LHX4: variants seen among roughly 807,000 people sequenced by gnomAD.
LHX4 encodes LIM/homeobox protein Lhx4.
LHX4 carries 16 observed loss-of-function variants against 39.2 expected under a neutral mutation model. The observed-to-expected ratio is 0.41, with a 90% CI of 0.28 to 0.62. The LOEUF is 0.62. Ranked by LOEUF, LHX4 falls within the 20% of genes least tolerant of loss-of-function variation. LHX4 has a pLI of 0.33. For missense variants in LHX4, 439 were observed against 511.9 expected (o/e 0.86, Z 1.37); for synonymous variants, 206 against 198.1 (o/e 1.04, Z -0.33).
chr1:180,230,482 A>G lies in LHX4; in HGVS notation c.-48A>G. 6.8e-7 allele frequency: 1 copy of G among 1,475,844 alleles called. No individual in the cohort carries two copies. Among genetic ancestry groups the G allele is most frequent in the Non-Finnish European group, 9.5e-7 (1 of 1,056,142 alleles). The allele number at this position is 1,475,844 out of a possible 1,614,324, so 91.4% of individuals were successfully genotyped here. Reference sequence around the variant, plus strand: ...AATTTCTGAATCGAGCTAGAGCGAGAGAGCGAGAGATCTCCGTAGACTGCG... The same window carrying G: ...AATTTCTGAATCGAGCTAGAGCGAGGGAGCGAGAGATCTCCGTAGACTGCG... On this transcript the variant is annotated 5_prime_UTR_variant, in exon 1 of 6. Coordinates refer to ENST00000263726, the MANE Select transcript of LHX4 (RefSeq NM_033343.4). This position sits in a 1 kb window ranked among gnomAD's most constrained non-coding sequence, Gnocchi z 5.8.
intron 3 of LHX4, chr1:180,270,764 C>T (rs1007074020): frequency 1.9e-5 from 3 of 158,408 alleles, no homozygotes; most frequent in Non-Finnish European, 4.2e-5. Flanking sequence ...CCATCCCATT[C>T]TCTTCATCTG....
rs1362864179 is a variant in LHX4 at position 180,274,747 on chromosome 1, T to C, written c.*168T>C. 9.2e-6 allele frequency: 7 copies of C among 758,806 alleles called. No individual in the cohort carries two copies. Among genetic ancestry groups the C allele is most frequent in the Admixed American group, 2.9e-5 (1 of 34,628 alleles). 47.0% of individuals were successfully genotyped at this position (758,806 alleles called of 1,614,324 possible). A position where few individuals can be genotyped will look rare whatever the true frequency, so the allele number is the denominator to read the frequency against. ...AAGGCTGTGAGACCACACTAGGGCA[T>C]TGTTTCCCTGGGGAAGCAGTGGGAG... On this transcript the variant is annotated 3_prime_UTR_variant, in exon 6 of 6. Coordinates refer to ENST00000263726, the MANE Select transcript of LHX4 (RefSeq NM_033343.4).
chr1:180,243,371 C>CAGG (rs1647254925), intron 1 of LHX4, among the ~76,000 whole-genome samples: 1 of 151,972 alleles, frequency 6.6e-6, no homozygotes, highest in South Asian at 2.1e-4. Context: ...CCTCCTCCCT[C>CAGG]AGGAGGAGGA....
chr1:180,266,275 G>A lies in LHX4; in HGVS notation c.249-117G>A, dbSNP rs1571282881. 3 of 939,676 alleles carry A rather than the reference G, an allele frequency of 3.2e-6. No individual in the cohort carries two copies. The East Asian group carries it at 7.3e-5, about 23-fold the overall frequency. The allele number at this position is 939,676 out of a possible 1,614,324, so 58.2% of individuals were successfully genotyped here. The stretch of plus-strand genomic sequence containing the variant: ...GACGGTAAGCTCTGGGTGACTGGGG[G>A]GTGAGGCTCATGGAGTCCCGGAGTG... On this transcript the variant is annotated intron_variant, in intron 2 of 5. Transcript: ENST00000263726. This position sits in a 1 kb window ranked among gnomAD's most constrained non-coding sequence, Gnocchi z 5.7.
At chr1:180,272,113 C>T (rs1648708344) in intron 5 of LHX4, 107 bp downstream of exon 5, 3 of 987,440 alleles carry the variant, frequency 3.0e-6, no homozygotes, top group East Asian at 2.6e-5. Context: ...GCAACTCCCT[C>T]CTGAACACAG....
chr1:180,278,903 G>A lies in LHX4; in HGVS notation c.*4324G>A, dbSNP rs533964903. Reference sequence around the variant, plus strand: ...GACTTTGGAAAACAGAAGCTGGTGCGTTTGTTTGTATATGCCTCCTGTGTG... The same window carrying A: ...GACTTTGGAAAACAGAAGCTGGTGCATTTGTTTGTATATGCCTCCTGTGTG... On this transcript the variant is annotated 3_prime_UTR_variant, in exon 6 of 6. Transcript: ENST00000263726. The A allele has an allele frequency of 1.5e-4, 23 of 152,220 alleles. No individual in the cohort carries two copies. The highest frequency in any genetic ancestry group is 2.2e-4 in the Non-Finnish European group (15 of 68,006). The allele number at this position is 152,220 out of a possible 1,614,324, so 9.4% of individuals were successfully genotyped here.
At chr1:180,236,351 T>A (rs1571256401) in intron 1 of LHX4, among the ~76,000 whole-genome samples, 1 of 152,138 alleles carries the variant, frequency 6.6e-6, no homozygotes, top group Non-Finnish European at 1.5e-5. Context: ...TCCTAAATAT[T>A]TGCATTGTCC....
chr1:180,229,062 T>C (rs1046011418), upstream of LHX4, among the ~76,000 whole-genome samples: 2 of 152,240 alleles, frequency 1.3e-5, no homozygotes, highest in African/African-American at 2.4e-5. Context: ...CGTCCCAGCG[T>C]TGGGCCTTCT....
chr1:180,268,361 G>C (rs761762135), intron 3 of LHX4, among the ~76,000 whole-genome samples: 1 of 152,244 alleles, frequency 6.6e-6, no homozygotes, highest in Admixed American at 6.5e-5. Flanking sequence ...AGAGACAAGA[G>C]AAACAGATGT....
At chr1:180,236,748 T>C (rs1197118140) in intron 1 of LHX4, among the ~76,000 whole-genome samples, 1 of 152,078 alleles carries the variant, frequency 6.6e-6, no homozygotes, top group South Asian at 2.1e-4. Flanking sequence ...TTTTCAGGAA[T>C]AGAGCTGAGG....
In LHX4 at chr1:180,267,135, G is replaced by A. The variant is rs554272226; in HGVS notation, c.451+541G>A. On this transcript the variant is annotated intron_variant, in intron 3 of 5. Transcript: ENST00000263726. ...GGCTCCTCTAGGGCAGGGCCTCCTG[G>A]AGTTTCTGCAAGTGCCCAGTGAGTG... Among the ~76,000 whole-genome samples the A allele has an allele frequency of 1.1e-4, 16 of 152,338 alleles. No homozygotes were observed. In the South Asian group the frequency reaches 3.1e-3, roughly 30 times the overall value.
chr1:180,244,323 GGGCCCCGGTTT>G (rs1270726142), intron 1 of LHX4, among the ~76,000 whole-genome samples: 11 of 152,158 alleles, frequency 7.2e-5, no homozygotes, highest in Non-Finnish European at 1.2e-4. Context: ...CCAAGCCAGA[GGGCCCCGGTTT>G]GGTCCCAAGG....
chr1:180,272,087 C>T, intron 5 of LHX4, 81 bp downstream of exon 5: 2 of 1,335,196 alleles, frequency 1.5e-6, no homozygotes, highest in Non-Finnish European at 2.0e-6. Flanking sequence ...CAGGAGGGAT[C>T]TTTCTTGAGG....
Position 180,277,173 on chromosome 1 carries a change from T to C in LHX4, c.*2594T>C, listed in dbSNP as rs981494145. The C allele has an allele frequency of 3.3e-5, 5 of 152,196 alleles. No individual in the cohort carries two copies. The highest frequency in any genetic ancestry group is 1.2e-4 in the African/African-American group (5 of 41,452). 9.4% of individuals were successfully genotyped at this position (152,196 alleles called of 1,614,324 possible). A position where few individuals can be genotyped will look rare whatever the true frequency, so the allele number is the denominator to read the frequency against. ...GCCACAGTAGGTCTAAGATTTTAAATGGATCTCCCTACAGGTTGGGTTAGC... is the reference window on the plus strand; with the variant it reads ...GCCACAGTAGGTCTAAGATTTTAAACGGATCTCCCTACAGGTTGGGTTAGC... On this transcript the variant is annotated 3_prime_UTR_variant, in exon 6 of 6. Coordinates refer to ENST00000263726, the MANE Select transcript of LHX4 (RefSeq NM_033343.4).
chr1:180,238,824 C>T (rs1289064507), intron 1 of LHX4, among the ~76,000 whole-genome samples: 1 of 152,068 alleles, frequency 6.6e-6, no homozygotes, highest in Non-Finnish European at 1.5e-5. Flanking sequence ...TCTTTAATGA[C>T]AAAGAGCCAG....
chr1:180,258,246 C>G (rs1571274782), intron 2 of LHX4, among the ~76,000 whole-genome samples: 1 of 152,174 alleles, frequency 6.6e-6, no homozygotes, highest in Non-Finnish European at 1.5e-5. Flanking sequence ...TCCCCCTGAG[C>G]AGGTGACATT....
chr1:180,229,964 A>AG (rs370353766), upstream of LHX4, among the ~76,000 whole-genome samples: 874 of 73,442 alleles, frequency 0.012, 49 homozygotes, highest in Non-Finnish European at 0.015. Flanking sequence ...GGAGGCGGGG[A>AG]GGGGGGGGGG....
At chr1:180,249,119 G>A (rs1647499781) in intron 2 of LHX4, among the ~76,000 whole-genome samples, 1 of 152,196 alleles carries the variant, frequency 6.6e-6, no homozygotes, top group Non-Finnish European at 1.5e-5. Context: ...GCCTCAGTTT[G>A]TTTATCTGTA....
upstream of LHX4, among the ~76,000 whole-genome samples, chr1:180,229,879 C>T (rs1038436251): frequency 6.6e-6 from 1 of 151,262 alleles, no homozygotes; most frequent in East Asian, 2.0e-4. Context: ...CTCCGACCAC[C>T]TGCTGCCGCG....
Sources: allele counts gnomAD v4.1 joint callset (sites outside exome capture counted in the v4.1 genomes callset), GRCh38; gene constraint gnomAD v4.1.1; non-coding constraint Gnocchi (gnomAD v3.1); transcripts MANE v1.5; gene names NCBI Gene and HGNC (gene_info 2026-07-23, HGNC 2026-07-21).